PDE8A: variants seen among roughly 807,000 people sequenced by gnomAD.
The protein encoded by PDE8A is phosphodiesterase 8A, also known as high affinity cAMP-specific and IBMX-insensitive 3',5'-cyclic phosphodiesterase 8A.
Under a neutral mutation model 105.0 loss-of-function variants are expected in PDE8A, and 59 were observed. The observed-to-expected ratio is 0.56, with a 90% CI of 0.46 to 0.70. The LOEUF (loss-of-function observed/expected upper bound fraction) is 0.70. Among genes scored for constraint, PDE8A ranks in the 30% least tolerant of loss-of-function variants. The pLI is 0.00. For missense variants in PDE8A, 1,014 were observed against 1,045.9 expected, an observed-to-expected ratio of 0.97 and a Z score of 0.42; for synonymous variants, 355 against 371.9, an observed-to-expected ratio of 0.95 and a Z score of 0.52.
intron 1 of PDE8A, among the ~76,000 whole-genome samples, chr15:85,037,986 A>T (rs886155032): frequency 4.6e-5 from 7 of 152,146 alleles, no homozygotes; most frequent in Admixed American, 3.9e-4. Flanking sequence ...TCCCAACAAT[A>T]CTCTTGAAAT....
intron 1 of PDE8A, among the ~76,000 whole-genome samples, chr15:85,061,348 C>T (rs1424355091): frequency 2.0e-5 from 3 of 152,078 alleles, no homozygotes; most frequent in African/African-American, 7.2e-5. Flanking sequence ...ATTCTCCTGC[C>T]TCAGCCTCCT....
rs548439955 is a variant in PDE8A, at chr15:85,027,855, T to G, written c.187-36515T>G. ...TATCCTTCCTGTCATTTTTCTGATA[T>G]GTATACATTTTAAAAAACAAATGGG... On this transcript the variant is annotated intron_variant, in intron 1 of 21. Coordinates refer to ENST00000394553, the MANE Select transcript of PDE8A (RefSeq NM_002605.3). Among the ~76,000 whole-genome samples, 121 of 152,334 alleles carry G rather than the reference T, an allele frequency of 7.9e-4. 1 individual carries two copies. The highest frequency in any genetic ancestry group is 4.6e-4 in the Admixed American group (7 of 15,290).
chr15:84,989,461 G>T (rs1043605078), intron 1 of PDE8A, among the ~76,000 whole-genome samples: 1 of 152,188 alleles, frequency 6.6e-6, no homozygotes, highest in Non-Finnish European at 1.5e-5. Context: ...CCAAAGCGCT[G>T]GTGGCACATC....
Position 85,138,183 on chromosome 15 carries a change from G to T in PDE8A, c.*280G>T. The T allele has an allele frequency of 3.0e-6, 1 of 327,876 alleles. No homozygotes were observed. Among genetic ancestry groups the T allele is most frequent in the Non-Finnish European group, 5.6e-6 (1 of 177,678 alleles). 20.3% of individuals were successfully genotyped at this position (327,876 alleles called of 1,614,324 possible). A position where few individuals can be genotyped will look rare whatever the true frequency, so the allele number is the denominator to read the frequency against. ...GCCTCAGTTTCTGGTAAAACACAAG[G>T]TCTGGAGTGCCCCTGCAAAGGGTAT... On this transcript the variant is annotated 3_prime_UTR_variant, in exon 22 of 22. Transcript: ENST00000394553.
chr15:85,026,549 G>A (rs112490071), intron 1 of PDE8A, among the ~76,000 whole-genome samples: 7 of 152,270 alleles, frequency 4.6e-5, no homozygotes, highest in African/African-American at 1.7e-4. Context: ...CGGATTTGTG[G>A]ATGCTATCTC....
chr15:85,113,094 G>T (rs922523666), intron 12 of PDE8A, among the ~76,000 whole-genome samples: 2 of 152,184 alleles, frequency 1.3e-5, no homozygotes, highest in African/African-American at 4.8e-5. Context: ...ACAAAAAGAG[G>T]CTGTTTGACT....
chr15:85,068,828 A>G (rs1403316222), intron 3 of PDE8A, among the ~76,000 whole-genome samples: 1 of 152,214 alleles, frequency 6.6e-6, no homozygotes, highest in Non-Finnish European at 1.5e-5. Flanking sequence ...CTACTAGAGC[A>G]TCTTGTATTG....
At chr15:84,982,987 A>G (rs896990834) in intron 1 of PDE8A, among the ~76,000 whole-genome samples, 1 of 152,256 alleles carries the variant, frequency 6.6e-6, no homozygotes, top group Non-Finnish European at 1.5e-5. Flanking sequence ...AGCATTCAGC[A>G]GAACAAAGTT....
intron 7 of PDE8A, chr15:85,090,614 A>G (rs17540307): frequency 0.22 from 62,472 of 286,468 alleles, 8,565 homozygotes; most frequent in Middle Eastern, 0.34. Flanking sequence ...GGATTAAGTG[A>G]CTTGCTGAGG....
rs112859868 is a variant in PDE8A at position 85,136,568 on chromosome 15, T to C, written c.2288T>C (p.Val763Ala). The change falls in exon 21 of 22, where the codon GTG becomes GCG. Residue 763 changes from valine to alanine, a missense_variant. Val to Ala is a moderately conservative substitution (Grantham distance 64). Coordinates refer to ENST00000394553, the MANE Select transcript of PDE8A (RefSeq NM_002605.3). Reference protein sequence around the residue: ...DEEKQQGLPVVMPVFDRNTCS... With the variant: ...DEEKQQGLPVAMPVFDRNTCS... ...GAGAAGCAGCAGGGCTTACCTGTGG[T>C]GATGCCAGTGTTTGACAGAAATACC... The C allele has an allele frequency of 6.2e-7, 1 of 1,613,866 alleles. No homozygotes were observed. Among genetic ancestry groups the C allele is most frequent in the South Asian group, 1.1e-5 (1 of 91,074 alleles).
At chr15:85,123,844 A>G (rs1249464530) in intron 19 of PDE8A, among the ~76,000 whole-genome samples, 1 of 152,220 alleles carries the variant, frequency 6.6e-6, no homozygotes, top group South Asian at 2.1e-4. Flanking sequence ...AAAAATTAGC[A>G]CATCCAACTA....
At chr15:85,088,373 C>T (rs67186978) in intron 6 of PDE8A, among the ~76,000 whole-genome samples, 13,433 of 152,192 alleles carry the variant, frequency 0.088, 1,649 homozygotes, top group African/African-American at 0.28. Flanking sequence ...ACATTTCATA[C>T]ACTGTGTGAT....
intron 11 of PDE8A, among the ~76,000 whole-genome samples, 168 bp from the exon 12 acceptor site, chr15:85,108,885 A>C (rs766594183): frequency 1.3e-5 from 2 of 152,046 alleles, no homozygotes; most frequent in Non-Finnish European, 2.9e-5. Context: ...GAGAAACTCT[A>C]CCCCCATAAA....
chr15:85,096,006 G>T (rs2081744154), intron 8 of PDE8A, among the ~76,000 whole-genome samples: 4 of 151,898 alleles, frequency 2.6e-5, no homozygotes, highest in Admixed American at 2.6e-4. Flanking sequence ...CTCCCGAGTA[G>T]CTGGGACTAC....
At chr15:85,074,495 G>T (rs1051256793) in intron 3 of PDE8A, among the ~76,000 whole-genome samples, 1 of 152,214 alleles carries the variant, frequency 6.6e-6, no homozygotes, top group Non-Finnish European at 1.5e-5. Context: ...GAATGCAGGA[G>T]TTTGAGACCA....
At chr15:85,097,831 G>A (rs968470059) in intron 8 of PDE8A, 117 bp from the exon 9 acceptor site, 6 of 641,990 alleles carry the variant, frequency 9.3e-6, no homozygotes, top group Non-Finnish European at 1.7e-5. Flanking sequence ...TTGGGGTTGG[G>A]ATCATTTTTT....
At chr15:85,059,128 C>T (rs2081106712) in intron 1 of PDE8A, among the ~76,000 whole-genome samples, 1 of 152,036 alleles carries the variant, frequency 6.6e-6, no homozygotes, top group Non-Finnish European at 1.5e-5. Flanking sequence ...CTTGTGTATT[C>T]TTCTTTGATC....
At chr15:85,032,431 A>C (rs1020337871) in intron 1 of PDE8A, among the ~76,000 whole-genome samples, 5 of 152,230 alleles carry the variant, frequency 3.3e-5, no homozygotes, top group Non-Finnish European at 7.3e-5. Flanking sequence ...AAGGTCATGG[A>C]AACAGTAACT....
intron 1 of PDE8A, among the ~76,000 whole-genome samples, chr15:85,000,011 G>A (rs189176740): frequency 1.3e-4 from 20 of 152,302 alleles, no homozygotes; most frequent in Admixed American, 6.5e-4. Flanking sequence ...TAAAAAGAGC[G>A]GGGGAATTGA....
Sources: allele counts gnomAD v4.1 joint callset (sites outside exome capture counted in the v4.1 genomes callset), GRCh38; gene constraint gnomAD v4.1.1; transcripts MANE v1.5; gene names NCBI Gene and HGNC (gene_info 2026-07-23, HGNC 2026-07-21).